Variants in ZNF620 observed in about 807,000 individuals in gnomAD.
ZNF620 encodes zinc finger protein 620.
ZNF620 carries 10 observed loss-of-function variants against 13.3 expected under a neutral mutation model. That is an observed-to-expected ratio of 0.75 (90% CI 0.46 to 1.28). The LOEUF is 1.28. Among genes scored for constraint, ZNF620 ranks in the 50% most tolerant of loss-of-function variants. The pLI is 0.00. For missense variants in ZNF620, 461 were observed against 500.2 expected, an observed-to-expected ratio of 0.92 and a Z score of 0.75; for synonymous variants, 166 against 177.6, an observed-to-expected ratio of 0.93 and a Z score of 0.52.
rs770252922 is a variant in ZNF620, at chr3:40,516,624, C to T, written c.1030C>T (p.Arg344Ter). 32 of 1,613,452 alleles carry T rather than the reference C, an allele frequency of 2.0e-5. No individual in the cohort carries two copies. The highest frequency in any genetic ancestry group is 5.0e-5 in the Admixed American group (3 of 59,974). ...KPYECKECGK[R>*]LSSNTALTQH... ...TTATGAATGTAAAGAGTGTGGAAAA[C>T]GATTAAGCTCCAACACAGCCTTGAC... Residue 344 changes from arginine to a stop codon, truncating the protein, a stop_gained, in exon 5 of 5, where the codon CGA becomes TGA. Coordinates refer to ENST00000314529, the MANE Select transcript of ZNF620 (RefSeq NM_175888.4). LOFTEE classifies it low-confidence loss of function (END_TRUNC).
At position 40,506,299 on chromosome 3, in the gene ZNF620, T is replaced by C; in HGVS notation, c.-49-5T>C. 2 of 1,612,862 alleles carry C rather than the reference T, an allele frequency of 1.2e-6. No individual in the cohort carries two copies. Among genetic ancestry groups the C allele is most frequent in the South Asian group, 2.2e-5 (2 of 90,732 alleles). On this transcript the variant is annotated splice_polypyrimidine_tract_variant and splice_region_variant and intron_variant, in intron 1 of 4. Transcript: ENST00000314529. ...CTCACCGGTGCTTCTTTATTTTCTC[T>C]TCAGTTTCACTTCTCCGAACCCTGA...
At chr3:40,511,126 T>G (rs1698184379) in intron 2 of ZNF620, among the ~76,000 whole-genome samples, 1 of 151,748 alleles carries the variant, frequency 6.6e-6, no homozygotes, top group African/African-American at 2.4e-5. Flanking sequence ...ACAAAAGTGT[T>G]ATTCACTGTG....
chr3:40,515,813 TGTGTGTG>T, intron 4 of ZNF620, 40 bp from the exon 5 acceptor site: 1 of 1,430,354 alleles, frequency 7.0e-7, no homozygotes, highest in African/African-American at 1.6e-5. Context: ...TGTGTGTGTG[TGTGTGTG>T]ATATCAGGGA....
At chr3:40,511,374 C>A in intron 2 of ZNF620, 96 bp from the exon 3 acceptor site, 1 of 1,508,120 alleles carries the variant, frequency 6.6e-7, no homozygotes, top group South Asian at 1.3e-5. Flanking sequence ...GATAACTGTC[C>A]TTGGCAATAC....
In ZNF620 at chr3:40,512,444, A is replaced by C; in HGVS notation, c.194A>C (p.Gln65Pro). ...CCTGTTCTGGTCTCCCAGCTGGAGC[A>C]AGGGGAACTGCCATGGGGCCTCGAT... ...TTPVLVSQLEQGELPWGLDPW... is the reference protein window; with the variant it reads ...TTPVLVSQLEPGELPWGLDPW... The change falls in exon 4 of 5, where the codon CAA (glutamine) becomes CCA (proline). Residue 65 changes from glutamine to proline, a missense_variant. By Grantham distance (76) the Gln-to-Pro change is moderately conservative. Coordinates refer to ENST00000314529, the MANE Select transcript of ZNF620 (RefSeq NM_175888.4). 3 of 1,614,220 alleles carry C rather than the reference A, an allele frequency of 1.9e-6. No individual in the cohort carries two copies. The highest frequency in any genetic ancestry group is 2.5e-6 in the Non-Finnish European group (3 of 1,180,044).
In ZNF620 at chr3:40,516,314, T is replaced by G; in HGVS notation, c.720T>G (p.Ile240Met). 1 of 1,614,236 alleles carries G rather than the reference T, an allele frequency of 6.2e-7. No individual in the cohort carries two copies. The highest frequency in any genetic ancestry group is 8.5e-7 in the Non-Finnish European group (1 of 1,180,036). The change falls in exon 5 of 5, where the codon ATT becomes ATG. Residue 240 changes from isoleucine to methionine, a missense_variant. Coordinates refer to ENST00000314529, the MANE Select transcript of ZNF620 (RefSeq NM_175888.4). Reference sequence around the variant, plus strand: ...ACTTCAGATATAACTCATTACTTATTCGGCATCAGATAATTCACACTGGAA... The same window carrying G: ...ACTTCAGATATAACTCATTACTTATGCGGCATCAGATAATTCACACTGGAA... Reference protein sequence around the residue: ...GKYFRYNSLLIRHQIIHTGKK... With the variant: ...GKYFRYNSLLMRHQIIHTGKK...
Position 40,516,225 on chromosome 3 carries a change from T to C in ZNF620, c.631T>C (p.Phe211Leu). The stretch of plus-strand genomic sequence containing the variant: ...CAGATATTTCATTCAAATGGCAGAC[T>C]TCCACCGACATGAGAAATGTCACAC... ...CGRYFIQMAD[F>L]HRHEKCHTGE... Residue 211 changes from phenylalanine (F) to leucine (L), a missense_variant, in exon 5 of 5, where the codon TTC (phenylalanine) becomes CTC (leucine). By Grantham distance (22) the Phe-to-Leu change is conservative. Coordinates refer to ENST00000314529, the MANE Select transcript of ZNF620 (RefSeq NM_175888.4). 2.5e-6 allele frequency: 4 copies of C among 1,614,070 alleles called. No homozygotes were observed. Among genetic ancestry groups the C allele is most frequent in the Non-Finnish European group, 3.4e-6 (4 of 1,180,038 alleles).
chr3:40,512,989 C>T (rs1161314559), intron 4 of ZNF620, among the ~76,000 whole-genome samples: 2 of 152,018 alleles, frequency 1.3e-5, no homozygotes, highest in African/African-American at 4.8e-5. Flanking sequence ...TGGAAATTTT[C>T]AAATATATGC....
intron 4 of ZNF620, among the ~76,000 whole-genome samples, chr3:40,515,614 T>A (rs1698346885): frequency 6.6e-6 from 1 of 152,246 alleles, no homozygotes; most frequent in Non-Finnish European, 1.5e-5. Context: ...TTTATGGGAA[T>A]GCCTCCTGGC....
At chr3:40,514,290 AG>A (rs1406649263) in intron 4 of ZNF620, among the ~76,000 whole-genome samples, 2 of 152,152 alleles carry the variant, frequency 1.3e-5, no homozygotes, top group Non-Finnish European at 2.9e-5. Context: ...CAAATAGGGA[AG>A]GGCCCCCTGT....
At position 40,517,843 on chromosome 3, in the gene ZNF620, A is replaced by C. The variant is rs1698437997; in HGVS notation, c.*980A>C. The C allele has an allele frequency of 6.6e-6, 1 of 152,168 alleles. No individual in the cohort carries two copies. Among genetic ancestry groups the C allele is most frequent in the Non-Finnish European group, 1.5e-5 (1 of 68,042 alleles). The allele number at this position is 152,168 out of a possible 1,614,324, so 9.4% of individuals were successfully genotyped here. ...CGTCAGAAGTCTCCTAAATTCAAAA[A>C]CGGGCCCTGTCCATGTGGAGCCAAA... On this transcript the variant is annotated 3_prime_UTR_variant, in exon 5 of 5. Coordinates refer to ENST00000314529, the MANE Select transcript of ZNF620 (RefSeq NM_175888.4).
Position 40,506,330 on chromosome 3 carries a change from T to C in ZNF620, c.-23T>C, listed in dbSNP as rs749195388. The C allele has an allele frequency of 1.9e-6, 3 of 1,613,954 alleles. No individual in the cohort carries two copies. In the Admixed American group the frequency reaches 5.0e-5, roughly 27 times the overall value. ...TTCACTTCTCCGAACCCTGAGGCAGTGTGTGAAGCTGGGACGCCAGCCATG... is the reference window on the plus strand; with the variant it reads ...TTCACTTCTCCGAACCCTGAGGCAGCGTGTGAAGCTGGGACGCCAGCCATG... On this transcript the variant is annotated 5_prime_UTR_variant, in exon 2 of 5. Coordinates refer to ENST00000314529, the MANE Select transcript of ZNF620 (RefSeq NM_175888.4).
At chr3:40,513,889 G>C (rs1027283558) in intron 4 of ZNF620, among the ~76,000 whole-genome samples, 16 of 152,180 alleles carry the variant, frequency 1.1e-4, no homozygotes, top group Admixed American at 3.3e-4. Flanking sequence ...ACAAGAGTGT[G>C]AGCACTCTGT....
At chr3:40,515,541 C>T (rs1273945917) in intron 4 of ZNF620, among the ~76,000 whole-genome samples, 2 of 152,162 alleles carry the variant, frequency 1.3e-5, no homozygotes, top group Non-Finnish European at 2.9e-5. Flanking sequence ...CCACCTCATT[C>T]ATTTTTCTCT....
chr3:40,506,486 A>G (rs1698023614), intron 2 of ZNF620, 110 bp downstream of exon 2: 3 of 1,238,622 alleles, frequency 2.4e-6, no homozygotes, highest in African/African-American at 1.5e-5. Flanking sequence ...TCCATTGTGC[A>G]TCTGTCACTA....
chr3:40,514,760 A>G (rs116115982), intron 4 of ZNF620, among the ~76,000 whole-genome samples: 5,006 of 152,286 alleles, frequency 0.033, 118 homozygotes, highest in Middle Eastern at 0.088. Flanking sequence ...TGACACAGCG[A>G]GACTCTATCT....
chr3:40,515,525 C>T (rs557337752), intron 4 of ZNF620, among the ~76,000 whole-genome samples: 2 of 152,268 alleles, frequency 1.3e-5, no homozygotes, highest in East Asian at 3.9e-4. Context: ...ATGTTTGCAT[C>T]TTTATCCACC....
chr3:40,516,391 C>T lies in ZNF620; in HGVS notation c.797C>T (p.Ala266Val). Residue 266 changes from alanine to valine, a missense_variant, in exon 5 of 5, where the codon GCC becomes GTC. Coordinates refer to ENST00000314529, the MANE Select transcript of ZNF620 (RefSeq NM_175888.4). ...ECGKGLSSDT[A>V]LIQHQRIHTG... ...GGAAAAGGTTTAAGTTCAGACACAG[C>T]CTTGATTCAGCATCAGAGAATCCAC... 4.3e-6 allele frequency: 7 copies of T among 1,614,208 alleles called. No individual in the cohort carries two copies. Among genetic ancestry groups the T allele is most frequent in the Non-Finnish European group, 5.9e-6 (7 of 1,180,042 alleles).
intron 4 of ZNF620, 127 bp from the exon 5 acceptor site, chr3:40,515,733 A>T: frequency 8.4e-7 from 1 of 1,193,464 alleles, no homozygotes; most frequent in Non-Finnish European, 1.2e-6. Context: ...CCATATATTC[A>T]GGGCAAATTA....
Sources: gnomAD v4.1 joint callset for allele counts (sites outside exome capture counted in the v4.1 genomes callset) on GRCh38, gnomAD v4.1.1 for gene constraint, MANE v1.5 for transcripts, NCBI Gene and HGNC (gene_info 2026-07-23, HGNC 2026-07-21) for gene names.